ANKRD6: variants seen among roughly 807,000 people sequenced by gnomAD.
ANKRD6 encodes ankyrin repeat domain 6, also known as ankyrin repeat domain-containing protein 6.
In ANKRD6, 56 loss-of-function variants were observed where a neutral mutation model predicts 82.3. The observed-to-expected ratio is 0.68, with a 90% CI of 0.55 to 0.85. The LOEUF (loss-of-function observed/expected upper bound fraction) is 0.85. Among genes scored for constraint, ANKRD6 ranks in the 40% least tolerant of loss-of-function variants. The pLI is 0.00. For missense variants in ANKRD6, 852 were observed against 907.6 expected (o/e 0.94, Z 0.79); for synonymous variants, 347 against 352.1 (o/e 0.99, Z 0.16).
chr6:89,578,143 T>C (rs1791566241), intron 2 of ANKRD6, among the ~76,000 whole-genome samples: 1 of 152,158 alleles, frequency 6.6e-6, no homozygotes, highest in Non-Finnish European at 1.5e-5. Context: ...TGTGATCTAC[T>C]TCAGTTTAAA....
rs533095442 is a variant in ANKRD6, at chr6:89,496,187, C to A, written c.-144+62812C>A. Among the ~76,000 whole-genome samples, 249 of 151,382 alleles carry A rather than the reference C, an allele frequency of 1.6e-3. 2 individuals carry two copies. The highest frequency in any genetic ancestry group is 5.5e-3 in the African/African-American group (228 of 41,220). Reference sequence around the variant, plus strand: ...CTTTTTTCCACACTGCCCCCCCCCCCACCATAATTAAAGTACTTAGGAATT... The same window carrying A: ...CTTTTTTCCACACTGCCCCCCCCCCAACCATAATTAAAGTACTTAGGAATT... On this transcript the variant is annotated intron_variant, in intron 1 of 15. Transcript: ENST00000339746.
Position 89,613,850 on chromosome 6 carries a change from T to G in ANKRD6, c.575T>G (p.Leu192Arg). ...ARYNHLSIIR[L>R]LLTAFCSVHE... ...TATAATCACTTGTCCATCATTAGGCTCCTCCTCACTGCTTTCTGTTCTGTC... is the reference window on the plus strand; with the variant it reads ...TATAATCACTTGTCCATCATTAGGCGCCTCCTCACTGCTTTCTGTTCTGTC... Residue 192 changes from leucine to arginine, a missense_variant, in exon 7 of 16, where the codon CTC becomes CGC. Physicochemically the swap from Leu to Arg is moderately radical, Grantham distance 102 (BLOSUM62 -2). Transcript: ENST00000339746. 1 of 1,614,052 alleles carries G rather than the reference T, an allele frequency of 6.2e-7. No homozygotes were observed. The highest frequency in any genetic ancestry group is 8.5e-7 in the Non-Finnish European group (1 of 1,179,886).
intron 1 of ANKRD6, among the ~76,000 whole-genome samples, chr6:89,501,631 A>G (rs749728100): frequency 2.6e-5 from 4 of 152,216 alleles, no homozygotes; most frequent in Admixed American, 6.5e-5. Context: ...TGTACCATAC[A>G]GTATTTTTGC....
intron 2 of ANKRD6, among the ~76,000 whole-genome samples, chr6:89,577,476 T>C (rs1431158927): frequency 6.6e-6 from 1 of 152,026 alleles, no homozygotes; most frequent in East Asian, 1.9e-4. Flanking sequence ...CTAATTTTGT[T>C]ACCTCAGTAC....
intron 1 of ANKRD6, among the ~76,000 whole-genome samples, chr6:89,523,930 C>T (rs932128266): frequency 5.9e-5 from 9 of 152,016 alleles, no homozygotes; most frequent in African/African-American, 1.5e-4. Flanking sequence ...TGATGCAGTC[C>T]GTTTGGCTAC....
At chr6:89,621,287 G>T (rs1803191414) in intron 9 of ANKRD6, 1 of 152,524 alleles carries the variant, frequency 6.6e-6, no homozygotes, top group Non-Finnish European at 1.5e-5. Flanking sequence ...TAGCTACTGG[G>T]TTCAAACTGA....
At chr6:89,473,266 C>T (rs1238224172) in intron 1 of ANKRD6, among the ~76,000 whole-genome samples, 1 of 151,890 alleles carries the variant, frequency 6.6e-6, no homozygotes, top group African/African-American at 2.4e-5. Flanking sequence ...CAAAAATTAG[C>T]CAGGCATGGC....
chr6:89,463,546 G>A (rs1214408818), intron 1 of ANKRD6, among the ~76,000 whole-genome samples: 3 of 152,126 alleles, frequency 2.0e-5, no homozygotes, highest in Non-Finnish European at 4.4e-5. Flanking sequence ...TCAAGTTGGA[G>A]ACCTTATAAC....
intron 3 of ANKRD6, chr6:89,598,090 C>T: frequency 2.0e-6 from 2 of 984,732 alleles, no homozygotes; most frequent in Non-Finnish European, 1.2e-6. Flanking sequence ...TCATATTCTA[C>T]AGATACTGAT....
intron 1 of ANKRD6, among the ~76,000 whole-genome samples, chr6:89,486,384 G>A (rs1052221307): frequency 1.3e-5 from 2 of 152,036 alleles, no homozygotes; most frequent in African/African-American, 4.8e-5. Context: ...GTTTATGTAA[G>A]TACACTCTAT....
Position 89,629,017 on chromosome 6 carries a change from A to C in ANKRD6, c.1486-95A>C, listed in dbSNP as rs181730451. On this transcript the variant is annotated intron_variant, in intron 14 of 15. Coordinates refer to ENST00000339746, the MANE Select transcript of ANKRD6 (RefSeq NM_001242809.2). ...TGGTATCCTCAACTGTTATAATTGA[A>C]AAGTCCATCCTTGATGCTTTAATTC... 9.5e-6 allele frequency: 13 copies of C among 1,371,286 alleles called. No homozygotes were observed. In the East Asian group the frequency reaches 3.2e-4, roughly 33 times the overall value. 84.9% of individuals were successfully genotyped at this position (1,371,286 alleles called of 1,614,324 possible).
At chr6:89,597,552 T>C (rs1230854822) in intron 3 of ANKRD6, among the ~76,000 whole-genome samples, 1 of 152,222 alleles carries the variant, frequency 6.6e-6, no homozygotes, top group Non-Finnish European at 1.5e-5. Context: ...TGTGTTCTCA[T>C]GCAGCAAAAG....
chr6:89,622,949 T>C (rs1277756337), intron 10 of ANKRD6, among the ~76,000 whole-genome samples: 1 of 148,328 alleles, frequency 6.7e-6, no homozygotes, highest in African/African-American at 2.5e-5. Context: ...ACCAGAAATA[T>C]GATATTTTTT....
intron 3 of ANKRD6, 135 bp downstream of exon 3, chr6:89,596,149 T>C: frequency 1.3e-6 from 1 of 755,740 alleles, no homozygotes; most frequent in Non-Finnish European, 2.2e-6. Flanking sequence ...TCTTGGTCTC[T>C]GTGGCAGCAA....
intron 1 of ANKRD6, among the ~76,000 whole-genome samples, chr6:89,540,114 G>C (rs1020235681): frequency 6.6e-6 from 1 of 151,780 alleles, no homozygotes; most frequent in Non-Finnish European, 1.5e-5. Flanking sequence ...ATTTTTTTTT[G>C]ATACACTGGT....
intron 2 of ANKRD6, among the ~76,000 whole-genome samples, chr6:89,591,559 C>A (rs114785131): frequency 1.1e-3 from 170 of 152,312 alleles, no homozygotes; most frequent in African/African-American, 3.8e-3. Flanking sequence ...TGCTCCTTCA[C>A]CCTTAAGAGG....
chr6:89,466,319 C>T lies in ANKRD6; in HGVS notation c.-144+32944C>T, dbSNP rs550920584. 2.6e-5 allele frequency among the ~76,000 whole-genome samples: 4 copies of T among 152,202 alleles called. No homozygotes were observed. In the South Asian group the frequency reaches 8.3e-4, roughly 32 times the overall value. On this transcript the variant is annotated intron_variant, in intron 1 of 15. Transcript: ENST00000339746. ...ACATTTTTTGTACATTAATTTCACA[C>T]TTGAGGTTACTTTCCTTGAAGAGAA...
chr6:89,627,512 G>A, intron 13 of ANKRD6, 71 bp from the exon 14 acceptor site: 6 of 1,445,840 alleles, frequency 4.1e-6, no homozygotes, highest in African/African-American at 1.4e-5. Context: ...AAGCCCCTCT[G>A]CAGGAGCTGA....
At position 89,444,434 on chromosome 6, in the gene ANKRD6, T is replaced by C. The variant is rs546479896; in HGVS notation, c.-144+11059T>C. Reference sequence around the variant, plus strand: ...TATGATTGAAGTTAGGTTGCTACTGTTTAGAAGCACTGTTTTAAAACTGAG... The same window carrying C: ...TATGATTGAAGTTAGGTTGCTACTGCTTAGAAGCACTGTTTTAAAACTGAG... On this transcript the variant is annotated intron_variant, in intron 1 of 15. Coordinates refer to ENST00000339746, the MANE Select transcript of ANKRD6 (RefSeq NM_001242809.2). Among the ~76,000 whole-genome samples the C allele has an allele frequency of 5.9e-5, 9 of 152,342 alleles. No individual in the cohort carries two copies. In the South Asian group the frequency reaches 1.9e-3, roughly 32 times the overall value.
Sources: gnomAD v4.1 joint callset for allele counts (sites outside exome capture counted in the v4.1 genomes callset) on GRCh38, gnomAD v4.1.1 for gene constraint, MANE v1.5 for transcripts, NCBI Gene and HGNC (gene_info 2026-07-23, HGNC 2026-07-21) for gene names.